TRPM8: variants seen among roughly 807,000 people sequenced by gnomAD.
The protein encoded by TRPM8 is transient receptor potential cation channel subfamily M member 8, also known as TRPM8 cationic channel.
TRPM8 carries 110 observed loss-of-function variants against 133.7 expected under a neutral mutation model. That is an observed-to-expected ratio of 0.82 (90% CI 0.70 to 0.96). TRPM8 has a LOEUF of 0.96. Among genes scored for constraint, TRPM8 ranks in the 40% least tolerant of loss-of-function variants. TRPM8 has a pLI of 0.00. For missense variants in TRPM8, 1,291 were observed against 1,379.5 expected, an observed-to-expected ratio of 0.94 and a Z score of 1.02; for synonymous variants, 535 against 532.3, an observed-to-expected ratio of 1.01 and a Z score of -0.07.
intron 23 of TRPM8, 66 bp downstream of exon 23, chr2:234,007,018 G>T: frequency 7.9e-7 from 1 of 1,261,434 alleles, no homozygotes; most frequent in Non-Finnish European, 1.1e-6. Context: ...TAGAACGTAG[G>T]CAGCTTATTT....
intron 24 of TRPM8, among the ~76,000 whole-genome samples, chr2:234,011,615 T>C (rs983207559): frequency 6.6e-6 from 1 of 152,176 alleles, no homozygotes; most frequent in African/African-American, 2.4e-5. Flanking sequence ...TTTCCATTTA[T>C]TTGTGTCTTT....
intron 3 of TRPM8, among the ~76,000 whole-genome samples, chr2:233,931,745 G>T (rs1168240502): frequency 6.6e-6 from 1 of 152,210 alleles, no homozygotes; most frequent in Non-Finnish European, 1.5e-5. Context: ...AAAACTAAGA[G>T]ATCTCTGCCT....
rs991349218 is a variant in TRPM8 at position 233,996,359 on chromosome 2, C to G, written c.2973C>G (p.Asp991Glu). The change falls in exon 22 of 26, where the codon GAC (aspartate) becomes GAG (glutamate). Residue 991 changes from aspartate (D) to glutamate (E), a missense_variant. By Grantham distance (45) the Asp-to-Glu change is conservative. This residue lies in a region of TRPM8 where 328 missense variants were observed against 410.6 expected (regional missense o/e 0.80). Transcript: ENST00000324695. ...TGGGCACCGTCCAGGAGAACAATGACCAGGTCTGGAAGTTCCAGAGGTACT... is the reference window on the plus strand; with the variant it reads ...TGGGCACCGTCCAGGAGAACAATGAGCAGGTCTGGAAGTTCCAGAGGTACT... ...YTVGTVQENN[D>E]QVWKFQRYFL... 1 of 1,614,188 alleles carries G rather than the reference C, an allele frequency of 6.2e-7. No homozygotes were observed. The highest frequency in any genetic ancestry group is 8.5e-7 in the Non-Finnish European group (1 of 1,180,042).
At chr2:234,004,848 A>G (rs1033039262) in intron 22 of TRPM8, among the ~76,000 whole-genome samples, 1 of 152,226 alleles carries the variant, frequency 6.6e-6, no homozygotes, top group South Asian at 2.1e-4. Flanking sequence ...TGCTCTACAC[A>G]CACACATTCA....
rs1691556304 is a variant in TRPM8 at position 233,927,758 on chromosome 2, CTTT to C, written c.117+1105_117+1107del. On this transcript the variant is annotated intron_variant, in intron 2 of 25. Transcript: ENST00000324695. ...TCTTTCTTTCTTTCTTTCTTTCTTT[CTTT>C]CTTTCTTTCTTTCTTTCTTTCTTTC... Among the ~76,000 whole-genome samples, 4 of 69,382 alleles carry C rather than the reference CTTT, an allele frequency of 5.8e-5. No homozygotes were observed. The African/African-American group carries it at 6.8e-4, about 12-fold the overall frequency. 45.5% of individuals were successfully genotyped at this position (69,382 alleles called of 152,430 possible). A position where few individuals can be genotyped will look rare whatever the true frequency, so the allele number is the denominator to read the frequency against.
chr2:233,946,807 T>G (rs1033081108), intron 7 of TRPM8, among the ~76,000 whole-genome samples: 5 of 152,234 alleles, frequency 3.3e-5, no homozygotes, highest in Admixed American at 1.3e-4. Flanking sequence ...TAGTTTAATT[T>G]ATAGGTGCAA....
intron 25 of TRPM8, among the ~76,000 whole-genome samples, chr2:234,015,399 A>T (rs548663528): frequency 6.6e-6 from 1 of 152,020 alleles, no homozygotes; most frequent in East Asian, 1.9e-4. Context: ...GAATGGAAAC[A>T]TAATTAAGAA....
intron 11 of TRPM8, chr2:233,955,468 T>G: frequency 2.5e-6 from 1 of 403,142 alleles, no homozygotes. Flanking sequence ...TAAAAATAAA[T>G]GGTATAAAAT....
At chr2:233,981,002 G>A (rs1008355) in intron 18 of TRPM8, among the ~76,000 whole-genome samples, 71,500 of 151,908 alleles carry the variant, frequency 0.47, 16,976 homozygotes, top group Middle Eastern at 0.53. Context: ...TTGAGCCCAG[G>A]AGTTTGAGAC....
chr2:233,976,137 G>T (rs963710644), intron 17 of TRPM8, among the ~76,000 whole-genome samples: 2 of 152,178 alleles, frequency 1.3e-5, no homozygotes. Context: ...AACAGACGAA[G>T]ATCTCTTCCC....
intron 17 of TRPM8, among the ~76,000 whole-genome samples, chr2:233,974,887 C>T (rs111907794): frequency 6.7e-6 from 1 of 149,426 alleles, no homozygotes; most frequent in African/African-American, 2.5e-5. Context: ...GAGAGAGAGA[C>T]AGAGAGAGAG....
intron 2 of TRPM8, among the ~76,000 whole-genome samples, chr2:233,929,487 G>T (rs1055820082): frequency 6.6e-6 from 1 of 152,190 alleles, no homozygotes; most frequent in Admixed American, 6.5e-5. Context: ...AGTCAGGGCT[G>T]GCTCTGGTGC....
At chr2:233,997,526 G>A (rs1170485665) in intron 22 of TRPM8, among the ~76,000 whole-genome samples, 1 of 152,136 alleles carries the variant, frequency 6.6e-6, no homozygotes, top group East Asian at 1.9e-4. Flanking sequence ...ATGCTGTTCT[G>A]GGCTGCTTCG....
chr2:233,947,736 GT>G (rs1439861661), intron 8 of TRPM8, among the ~76,000 whole-genome samples: 1 of 152,212 alleles, frequency 6.6e-6, no homozygotes, highest in African/African-American at 2.4e-5. Flanking sequence ...CTTGCCTGCA[GT>G]CAGGCTTCTG....
rs1456520920 is a variant in TRPM8 at position 234,019,229 on chromosome 2, A to AGGG, written c.*1974_*1975insGGG. The AGGG allele has an allele frequency of 2.6e-5, 4 of 152,218 alleles. No individual in the cohort carries two copies. Among genetic ancestry groups the AGGG allele is most frequent in the Non-Finnish European group, 5.9e-5 (4 of 68,036 alleles). The allele number at this position is 152,218 out of a possible 1,614,324, so 9.4% of individuals were successfully genotyped here. On this transcript the variant is annotated 3_prime_UTR_variant, in exon 26 of 26. Transcript: ENST00000324695. ...AAGATGCCTTTTTACTTAAACACCA[A>AGGG]GACAGAAAACTTGCCCAATACTGAG...
At chr2:233,992,490 A>G (rs1473995457) in intron 21 of TRPM8, among the ~76,000 whole-genome samples, 1 of 152,132 alleles carries the variant, frequency 6.6e-6, no homozygotes, top group African/African-American at 2.4e-5. Flanking sequence ...GTACAAAGTG[A>G]TCTGAATTCT....
At chr2:233,978,959 C>T (rs1310684755) in intron 17 of TRPM8, among the ~76,000 whole-genome samples, 1 of 152,174 alleles carries the variant, frequency 6.6e-6, no homozygotes, top group African/African-American at 2.4e-5. Context: ...ACATCTGAGA[C>T]TGTAGGACCT....
chr2:233,951,034 CTACA>C (rs988670312), intron 9 of TRPM8, among the ~76,000 whole-genome samples: 4 of 146,184 alleles, frequency 2.7e-5, no homozygotes, highest in African/African-American at 1.0e-4. Flanking sequence ...GACCCCGTCC[CTACA>C]AACAAACAAA....
At chr2:233,946,290 A>G (rs10929319) in intron 7 of TRPM8, 105,554 of 360,118 alleles carry the variant, frequency 0.29, 26,268 homozygotes, top group African/African-American at 0.8. Context: ...TGTTAGTATC[A>G]AAAGCTGGCT....
Sources: gnomAD v4.1 joint callset for allele counts (sites outside exome capture counted in the v4.1 genomes callset) on GRCh38, gnomAD v4.1.1 for gene constraint, gnomAD v4.1.1 regional missense constraint, MANE v1.5 for transcripts, NCBI Gene and HGNC (gene_info 2026-07-23, HGNC 2026-07-21) for gene names.